Variants in RCAN2 observed in about 807,000 individuals in gnomAD.
The protein encoded by RCAN2 is calcipressin-2.
Under a neutral mutation model 23.6 loss-of-function variants are expected in RCAN2, and 9 were observed. That is an observed-to-expected ratio of 0.38 (90% CI 0.23 to 0.67). The LOEUF (loss-of-function observed/expected upper bound fraction) is 0.67. Among genes scored for constraint, RCAN2 ranks in the 30% least tolerant of loss-of-function variants. The probability of loss-of-function intolerance (pLI) is 0.51; values close to 1 mark genes in which losing one functional copy is unlikely to be tolerated. For missense variants in RCAN2, 273 were observed against 302.3 expected (o/e 0.90, Z 0.72); for synonymous variants, 109 against 115.7 (o/e 0.94, Z 0.37).
intron 2 of RCAN2, among the ~76,000 whole-genome samples, chr6:46,403,305 G>A (rs191429484): frequency 1.3e-5 from 2 of 152,030 alleles, no homozygotes; most frequent in East Asian, 4.0e-4. Context: ...GGGCACGATG[G>A]CTCACACCTG....
intron 2 of RCAN2, among the ~76,000 whole-genome samples, chr6:46,376,718 A>AC (rs1392759657): frequency 9.9e-5 from 14 of 141,392 alleles, no homozygotes; most frequent in Admixed American, 2.7e-4. Flanking sequence ...AAACAAACAA[A>AC]AAAAAAAAAC....
At chr6:46,258,166 G>C (rs539047034) in intron 2 of RCAN2, among the ~76,000 whole-genome samples, 34 of 152,156 alleles carry the variant, frequency 2.2e-4, no homozygotes, top group Non-Finnish European at 4.4e-4. Flanking sequence ...CACTCCTTTA[G>C]GTTTATCACT....
chr6:46,413,762 AAC>A (rs750693526), intron 2 of RCAN2, among the ~76,000 whole-genome samples: 1 of 152,160 alleles, frequency 6.6e-6, no homozygotes, highest in Non-Finnish European at 1.5e-5. Flanking sequence ...CAGAGTAGAG[AAC>A]ACAGTTTGAA....
chr6:46,239,524 C>A (rs764301101), intron 4 of RCAN2, among the ~76,000 whole-genome samples: 7 of 152,156 alleles, frequency 4.6e-5, no homozygotes, highest in African/African-American at 1.7e-4. Context: ...GGCATCAGGG[C>A]TGTAAACTGA....
rs115633107 is a variant in RCAN2, at chr6:46,456,644, C to A, written c.225+108G>T. On this transcript the variant is annotated intron_variant, in intron 2 of 4. Coordinates refer to ENST00000371374, the MANE Select transcript of RCAN2 (RefSeq NM_001251974.2). ...GTACACATGCCAAAAATAGAGCCAA[C>A]TAAACATTTCCAAAAACTTCAAAAC... The A allele has an allele frequency of 2.5e-3, 1,988 of 799,322 alleles. 36 individuals are homozygous for A. In the African/African-American group the frequency reaches 0.03, roughly 12 times the overall value. The allele number at this position is 799,322 out of a possible 1,614,324, so 49.5% of individuals were successfully genotyped here.
In RCAN2 at chr6:46,373,055, A is replaced by G. The variant is rs987357548; in HGVS notation, c.225+83697T>C. On this transcript the variant is annotated intron_variant, in intron 2 of 4. Transcript: ENST00000371374. ...CCTCTGTATGTTTTCAGAGTTACCA[A>G]CACATCCTAGCAGTAAGCTACAGTG... Among the ~76,000 whole-genome samples the G allele has an allele frequency of 2.0e-5, 3 of 152,184 alleles. No homozygotes were observed. The South Asian group carries it at 6.2e-4, about 32-fold the overall frequency.
At chr6:46,232,516 G>C (rs1012546657) in intron 4 of RCAN2, among the ~76,000 whole-genome samples, 9 of 152,074 alleles carry the variant, frequency 5.9e-5, no homozygotes, top group African/African-American at 2.2e-4. Flanking sequence ...TTTAGGTCGG[G>C]CGTGGTGTCT....
chr6:46,227,229 G>T (rs954047016), intron 4 of RCAN2, among the ~76,000 whole-genome samples: 4 of 152,176 alleles, frequency 2.6e-5, no homozygotes, highest in African/African-American at 9.7e-5. Flanking sequence ...GTTCATCAGG[G>T]ATATTGGTCT....
intron 2 of RCAN2, among the ~76,000 whole-genome samples, chr6:46,278,088 C>T (rs1767775357): frequency 6.6e-6 from 1 of 152,150 alleles, no homozygotes; most frequent in Non-Finnish European, 1.5e-5. Context: ...CTTCAGGATA[C>T]CTCTTGCCCA....
chr6:46,322,503 T>G (rs1343062083), intron 2 of RCAN2, among the ~76,000 whole-genome samples: 1 of 152,210 alleles, frequency 6.6e-6, no homozygotes, highest in Non-Finnish European at 1.5e-5. Flanking sequence ...AGAGCCACAC[T>G]GGAGGATGAG....
intron 2 of RCAN2, among the ~76,000 whole-genome samples, chr6:46,441,668 T>A (rs887833168): frequency 6.6e-6 from 1 of 151,990 alleles, no homozygotes; most frequent in East Asian, 1.9e-4. Flanking sequence ...GATGAGATTA[T>A]GGTATTTCTG....
At chr6:46,357,742 T>C (rs911372667) in intron 2 of RCAN2, among the ~76,000 whole-genome samples, 2 of 152,216 alleles carry the variant, frequency 1.3e-5, no homozygotes, top group Non-Finnish European at 1.5e-5. Context: ...ATGCTTTTAG[T>C]TGTTCATAAT....
chr6:46,277,700 C>T lies in RCAN2; in HGVS notation c.226-28804G>A, dbSNP rs1767763046. ...CCACCTAAATATTTTTTATTTATGCCAGAGGGAGGCATAGATGGGGCAGGG... is the reference window on the plus strand; with the variant it reads ...CCACCTAAATATTTTTTATTTATGCTAGAGGGAGGCATAGATGGGGCAGGG... On this transcript the variant is annotated intron_variant, in intron 2 of 4. Coordinates refer to ENST00000371374, the MANE Select transcript of RCAN2 (RefSeq NM_001251974.2). Among the ~76,000 whole-genome samples, 3 of 151,530 alleles carry T rather than the reference C, an allele frequency of 2.0e-5. No homozygotes were observed. The South Asian group carries it at 6.2e-4, about 32-fold the overall frequency.
chr6:46,325,186 G>A (rs1408937382), intron 2 of RCAN2, among the ~76,000 whole-genome samples: 1 of 152,208 alleles, frequency 6.6e-6, no homozygotes. Flanking sequence ...AAGAAACAAT[G>A]GCAGACCTTG....
At chr6:46,288,154 C>G (rs559501290) in intron 2 of RCAN2, among the ~76,000 whole-genome samples, 1 of 152,302 alleles carries the variant, frequency 6.6e-6, no homozygotes, top group African/African-American at 2.4e-5. Context: ...GAAGTTCTCA[C>G]GTTGCAGCAA....
chr6:46,406,878 T>TA (rs1208126211), intron 2 of RCAN2, among the ~76,000 whole-genome samples: 1 of 152,198 alleles, frequency 6.6e-6, no homozygotes, highest in Non-Finnish European at 1.5e-5. Flanking sequence ...TTCCCCAAGA[T>TA]AAAAATTACA....
intron 4 of RCAN2, among the ~76,000 whole-genome samples, chr6:46,226,900 C>G (rs1231717326): frequency 1.3e-5 from 2 of 152,158 alleles, no homozygotes; most frequent in Non-Finnish European, 1.5e-5. Flanking sequence ...TTTGCCCATT[C>G]AGTATGATAT....
chr6:46,439,419 G>T (rs1767463266), intron 2 of RCAN2, among the ~76,000 whole-genome samples: 1 of 152,158 alleles, frequency 6.6e-6, no homozygotes, highest in Non-Finnish European at 1.5e-5. Flanking sequence ...TGTGCATGTT[G>T]TGTTTAAATA....
intron 2 of RCAN2, among the ~76,000 whole-genome samples, chr6:46,400,507 T>A (rs1766218290): frequency 6.6e-6 from 1 of 152,132 alleles, no homozygotes; most frequent in Non-Finnish European, 1.5e-5. Context: ...CAAATTAAAA[T>A]TTGCAGAATT....
Sources: gnomAD v4.1 joint callset for allele counts (sites outside exome capture counted in the v4.1 genomes callset) on GRCh38, gnomAD v4.1.1 for gene constraint, MANE v1.5 for transcripts, NCBI Gene and HGNC (gene_info 2026-07-23, HGNC 2026-07-21) for gene names.